CD109: variants seen among roughly 807,000 people sequenced by gnomAD.
The protein encoded by CD109 is CD109 molecule.
CD109 carries 149 observed loss-of-function variants against 165.8 expected under a neutral mutation model. That is an observed-to-expected ratio of 0.90 (90% CI 0.79 to 1.03). The LOEUF is 1.03. CD109 is among the 50% of genes least tolerant of loss of function. The pLI, the probability that CD109 is intolerant of heterozygous loss-of-function variation, is 0.00. For synonymous variants in CD109, 585 were observed against 592.1 expected, an observed-to-expected ratio of 0.99 and a Z score of 0.18; for missense variants, 1,712 against 1,677.8, an observed-to-expected ratio of 1.02 and a Z score of -0.36.
At chr6:73,729,664 C>A (rs542759674) in intron 3 of CD109, among the ~76,000 whole-genome samples, 18 of 152,124 alleles carry the variant, frequency 1.2e-4, no homozygotes, top group Admixed American at 1.2e-3. Context: ...CAGGCGCATG[C>A]CACCACACCT....
chr6:73,763,781 A>G, intron 10 of CD109, 96 bp downstream of exon 10: 2 of 572,726 alleles, frequency 3.5e-6, no homozygotes, highest in Non-Finnish European at 5.7e-6. Flanking sequence ...TAAAAATTTA[A>G]GCCAAAAAGT....
In CD109 at chr6:73,823,752, G is replaced by A. The variant is rs1272033775; in HGVS notation, c.*119G>A. 1.3e-5 allele frequency: 12 copies of A among 905,404 alleles called. No individual in the cohort carries two copies. The highest frequency in any genetic ancestry group is 1.0e-4 in the African/African-American group (6 of 60,082). The allele number at this position is 905,404 out of a possible 1,614,324, so 56.1% of individuals were successfully genotyped here. A position where few individuals can be genotyped will look rare whatever the true frequency, so the allele number is the denominator to read the frequency against. ...AAAAGAGTTTTTTTTCTTTCTATGG[G>A]GTTGCAGGGATGGTGTACAACAGGT... is the stretch of plus-strand genomic sequence containing the variant. On this transcript the variant is annotated 3_prime_UTR_variant, in exon 33 of 33. Transcript: ENST00000287097.
chr6:73,810,272 A>C (rs1775707652), intron 27 of CD109, 98 bp downstream of exon 27: 1 of 329,568 alleles, frequency 3.0e-6, no homozygotes, highest in Non-Finnish European at 4.8e-6. Context: ...ATATTATATA[A>C]ATCATATGTT....
intron 29 of CD109, among the ~76,000 whole-genome samples, chr6:73,814,001 A>T (rs1193740245): frequency 1.3e-5 from 2 of 152,150 alleles, no homozygotes; most frequent in African/African-American, 4.8e-5. Context: ...CAAATGTCCA[A>T]AGTAAGATAA....
chr6:73,777,770 A>G (rs1774310422), intron 15 of CD109, among the ~76,000 whole-genome samples: 1 of 152,000 alleles, frequency 6.6e-6, no homozygotes, highest in Non-Finnish European at 1.5e-5. Flanking sequence ...CCATTGGTCT[A>G]TGTGTCTGTT....
At chr6:73,695,891 A>G (rs1770803099), upstream of CD109, 2 of 370,396 alleles carry the variant, frequency 5.4e-6, no homozygotes, top group South Asian at 4.8e-5. Flanking sequence ...TGGGCCGGGG[A>G]AGTGGGCGCG....
chr6:73,808,266 C>T lies in CD109; in HGVS notation c.3355+18C>T. The T allele has an allele frequency of 6.3e-7, 1 of 1,592,792 alleles. No individual in the cohort carries two copies. The highest frequency in any genetic ancestry group is 8.5e-7 in the Non-Finnish European group (1 of 1,172,486). Reference sequence around the variant, plus strand: ...ACAAGAAGGTAATGTGCTGGGCCCACTTGAGGTTGTTATGCTTTATGAAAT... The same window carrying T: ...ACAAGAAGGTAATGTGCTGGGCCCATTTGAGGTTGTTATGCTTTATGAAAT... On this transcript the variant is annotated intron_variant, in intron 26 of 32. Transcript: ENST00000287097.
At chr6:73,698,642 C>T (rs1338670129) in intron 2 of CD109, among the ~76,000 whole-genome samples, 1 of 152,180 alleles carries the variant, frequency 6.6e-6, no homozygotes, top group Non-Finnish European at 1.5e-5. Flanking sequence ...AGTTTATCTG[C>T]ATCTGTGGTT....
In CD109 at chr6:73,823,467, C is replaced by A; in HGVS notation, c.4172C>A (p.Ala1391Glu). The A allele has an allele frequency of 6.2e-7, 1 of 1,606,816 alleles. No homozygotes were observed. Among genetic ancestry groups the A allele is most frequent in the Non-Finnish European group, 8.5e-7 (1 of 1,174,558 alleles). ...CTGCTTCTTTGAACAGGGAGACAGGCGGTGAGAAGTTACAACTCTGAAGTG... is the reference window on the plus strand; with the variant it reads ...CTGCTTCTTTGAACAGGGAGACAGGAGGTGAGAAGTTACAACTCTGAAGTG... ...IVDYYEPRRQ[A>E]VRSYNSEVKL... Residue 1391 changes from alanine (A) to glutamate (E), a missense_variant, in exon 33 of 33, where the codon GCG (alanine) becomes GAG (glutamate). Coordinates refer to ENST00000287097, the MANE Select transcript of CD109 (RefSeq NM_133493.5).
chr6:73,720,603 A>G (rs984661006), intron 2 of CD109, among the ~76,000 whole-genome samples: 6 of 152,224 alleles, frequency 3.9e-5, no homozygotes, highest in Non-Finnish European at 7.3e-5. Flanking sequence ...GTATACATCT[A>G]TCATCTATAT....
At chr6:73,707,469 G>A (rs971345956) in intron 2 of CD109, among the ~76,000 whole-genome samples, 2 of 152,136 alleles carry the variant, frequency 1.3e-5, no homozygotes, top group African/African-American at 2.4e-5. Context: ...TACTGTTTTG[G>A]AAGGAATAGC....
chr6:73,733,450 T>C (rs1772438083), intron 4 of CD109, among the ~76,000 whole-genome samples: 1 of 152,202 alleles, frequency 6.6e-6, no homozygotes, highest in Admixed American at 6.5e-5. Flanking sequence ...CAATAACTGG[T>C]CTTCTCAGGA....
intron 2 of CD109, among the ~76,000 whole-genome samples, chr6:73,708,112 T>G (rs1771366810): frequency 6.6e-6 from 1 of 151,738 alleles, no homozygotes. Flanking sequence ...ACGCGTCACT[T>G]ACATTAGGTG....
intron 2 of CD109, among the ~76,000 whole-genome samples, chr6:73,699,976 A>G (rs1448593895): frequency 6.6e-6 from 1 of 152,238 alleles, no homozygotes; most frequent in Non-Finnish European, 1.5e-5. Flanking sequence ...AACAATATGT[A>G]GATAAACCAG....
chr6:73,715,006 C>G (rs1198997114), intron 2 of CD109, among the ~76,000 whole-genome samples: 1 of 152,234 alleles, frequency 6.6e-6, no homozygotes, highest in Non-Finnish European at 1.5e-5. Context: ...CGCCTGTAAT[C>G]CCAGCACTTT....
At chr6:73,692,632 T>C (rs943714296), upstream of CD109, among the ~76,000 whole-genome samples, 15 of 152,324 alleles carry the variant, frequency 9.8e-5, no homozygotes, top group Middle Eastern at 6.8e-3. Flanking sequence ...GGTTTGGCTG[T>C]GTCCCCACCC....
intron 2 of CD109, among the ~76,000 whole-genome samples, chr6:73,702,452 C>T (rs1469854693): frequency 6.6e-6 from 1 of 152,166 alleles, no homozygotes; most frequent in African/African-American, 2.4e-5. Context: ...GCAGATCTCC[C>T]AGAGCAGGTT....
intron 5 of CD109, among the ~76,000 whole-genome samples, chr6:73,751,780 G>C (rs760151489): frequency 1.3e-5 from 2 of 152,140 alleles, no homozygotes; most frequent in African/African-American, 2.4e-5. Flanking sequence ...CCCCAGGGTG[G>C]GGTGAGTGCC....
chr6:73,806,694 G>T lies in CD109; in HGVS notation c.2961-150G>T, dbSNP rs564372216. On this transcript the variant is annotated intron_variant, in intron 24 of 32. Transcript: ENST00000287097. ...CTTGTCCCTTTGCTCTTTCTTTTTT[G>T]ATTTTTTTCTTTCCTTGTTCCATCT... The T allele has an allele frequency of 9.4e-4, 565 of 601,974 alleles. 1 individual carries two copies. The highest frequency in any genetic ancestry group is 8.6e-3 in the African/African-American group (464 of 53,932). The allele number at this position is 601,974 out of a possible 1,614,324, so 37.3% of individuals were successfully genotyped here. A position where few individuals can be genotyped will look rare whatever the true frequency, so the allele number is the denominator to read the frequency against.
Sources: gnomAD v4.1 joint callset for allele counts (sites outside exome capture counted in the v4.1 genomes callset) on GRCh38, gnomAD v4.1.1 for gene constraint, MANE v1.5 for transcripts, NCBI Gene and HGNC (gene_info 2026-07-23, HGNC 2026-07-21) for gene names.